The following TTN variants were observed in gnomAD, a reference collection of about 807,000 sequenced individuals.
The protein encoded by TTN is titin.
In TTN, 1,525 loss-of-function variants were observed where a neutral mutation model predicts 3,223.0. The observed-to-expected ratio is 0.47, with a 90% confidence interval of 0.45 to 0.49. The LOEUF (loss-of-function observed/expected upper bound fraction) is 0.49, where lower values mean the gene tolerates loss of function less well. Ranked by LOEUF, TTN falls within the 20% of genes least tolerant of loss-of-function variation. The pLI is 0.00. For missense variants in TTN, 40,786 were observed against 43,424.0 expected (o/e 0.94, Z 5.40); for synonymous variants, 14,094 against 15,161.0 (o/e 0.93, Z 5.17).
At chr2:178,635,025 A>C (rs2060260568) in intron 228 of TTN, 140 bp downstream of exon 228, 2 of 1,399,596 alleles carry the variant, frequency 1.4e-6, no homozygotes, top group Admixed American at 5.2e-5. Flanking sequence ...TGATACGTAA[A>C]ATTTCTTTCC....
chr2:178,757,256 C>T (rs890181807), intron 45 of TTN, among the ~76,000 whole-genome samples: 7 of 4,932 alleles, frequency 1.4e-3, no homozygotes, highest in African/African-American at 4.0e-3. Context: ...TTTAATGATG[C>T]AATGATACAA....
At position 178,557,727 on chromosome 2, in the gene TTN, T is replaced by C; in HGVS notation, c.87627A>G (p.Gln29209=). The change falls in exon 328 of 363, where the codon CAA becomes CAG. Residue 29209 remains glutamine (Q), a synonymous_variant. Coordinates refer to ENST00000589042, the MANE Select transcript of TTN (RefSeq NM_001267550.2). Reference sequence around the variant, plus strand: ...AGCGGTTTTCTGCCTTGATGCGGAATTGGTATTCTTCTCCTGTGGTCAGTT... The same window carrying C: ...AGCGGTTTTCTGCCTTGATGCGGAACTGGTATTCTTCTCCTGTGGTCAGTT... ...VMKLTTGEEY[Q]FRIKAENRFG... is the part of the protein sequence containing the mutation. 1 of 1,613,950 alleles carries C rather than the reference T, an allele frequency of 6.2e-7. No individual in the cohort carries two copies. Among genetic ancestry groups the C allele is most frequent in the Non-Finnish European group, 8.5e-7 (1 of 1,179,858 alleles).
chr2:178,780,443 G>C (rs2092664421), intron 21 of TTN, among the ~76,000 whole-genome samples: 1 of 152,142 alleles, frequency 6.6e-6, no homozygotes, highest in South Asian at 2.1e-4. Context: ...AGTCAGTTTT[G>C]GGGGGATCTA....
At position 178,612,390 on chromosome 2, in the gene TTN, A is replaced by C. The variant is rs1314552701; in HGVS notation, c.50135T>G (p.Val16712Gly). 6 of 1,612,488 alleles carry C rather than the reference A, an allele frequency of 3.7e-6. No homozygotes were observed. The South Asian group carries it at 6.6e-5, about 18-fold the overall frequency. Residue 16712 changes from valine (V) to glycine (G), a missense_variant, in exon 266 of 363, where the codon GTC (valine) becomes GGC (glycine). Val to Gly is a moderately radical substitution (Grantham distance 109). Transcript: ENST00000589042. ...TAAAGAGCCCTCAGTCAGTGGGGTGACTGTGCACTTGGTGTCCTTGACAGT... is the reference window on the plus strand; with the variant it reads ...TAAAGAGCCCTCAGTCAGTGGGGTGCCTGTGCACTTGGTGTCCTTGACAGT... ...DTTVKDTKCT[V>G]TPLTEGSLYV...
In TTN at chr2:178,724,815, G is replaced by A. The variant is rs558411297; in HGVS notation, c.20837-277C>T. 29 of 288,894 alleles carry A rather than the reference G, an allele frequency of 1.0e-4. No individual in the cohort carries two copies. The South Asian group carries it at 1.7e-3, about 17-fold the overall frequency. 17.9% of individuals were successfully genotyped at this position (288,894 alleles called of 1,614,324 possible). A position where few individuals can be genotyped will look rare whatever the true frequency, so the allele number is the denominator to read the frequency against. On this transcript the variant is annotated intron_variant, in intron 71 of 362. Coordinates refer to ENST00000589042, the MANE Select transcript of TTN (RefSeq NM_001267550.2). ...AATTATTCTTAAGAAATATATGTTC[G>A]TGCATGACTCAACTTCAAAACAATT...
Position 178,693,628 on chromosome 2 carries a change from C to T in TTN, c.31575G>A (p.Arg10525=), listed in dbSNP as rs188251302. The change falls in exon 119 of 363, where the codon AGG becomes AGA. Residue 10525 remains arginine, a synonymous_variant. Coordinates refer to ENST00000589042, the MANE Select transcript of TTN (RefSeq NM_001267550.2). ...EEKIHVAISK[R]VEPPPKVPEL... ...TAATACCTTTAGGTGGTGGTTCAACCCTTTTGGAAATGGCAACGTGAATTT... is the reference window on the plus strand; with the variant it reads ...TAATACCTTTAGGTGGTGGTTCAACTCTTTTGGAAATGGCAACGTGAATTT... 3 of 1,597,954 alleles carry T rather than the reference C, an allele frequency of 1.9e-6. No individual in the cohort carries two copies. Among genetic ancestry groups the T allele is most frequent in the South Asian group, 1.1e-5 (1 of 88,500 alleles).
In TTN at chr2:178,564,367, A is replaced by G. The variant is rs1704872015; in HGVS notation, c.81765T>C (p.Ser27255=). The stretch of plus-strand genomic sequence containing the variant: ...TGGCACCACTACTATCAGATGGTTC[A>G]CTAAAGTTTCCAGCTGCATTTCTTG... The part of the protein sequence containing the change: ...VIARNAAGNF[S]EPSDSSGAIT... The change falls in exon 326 of 363, where the codon AGT becomes AGC. Residue 27255 remains serine, a synonymous_variant. Coordinates refer to ENST00000589042, the MANE Select transcript of TTN (RefSeq NM_001267550.2). 2 of 1,613,696 alleles carry G rather than the reference A, an allele frequency of 1.2e-6. No individual in the cohort carries two copies. Among genetic ancestry groups the G allele is most frequent in the Non-Finnish European group, 1.7e-6 (2 of 1,179,754 alleles).
chr2:178,779,125 A>G lies in TTN; in HGVS notation c.3964-7T>C. 6.2e-7 allele frequency: 1 copy of G among 1,613,724 alleles called. No homozygotes were observed. On this transcript the variant is annotated splice_polypyrimidine_tract_variant and splice_region_variant and intron_variant, in intron 23 of 362. Coordinates refer to ENST00000589042, the MANE Select transcript of TTN (RefSeq NM_001267550.2). ...CATCTTTGTACCAAGCAATCTGCAA[A>G]GAATACCATGCATGTATGAATAAAA... is the stretch of plus-strand genomic sequence containing the variant.
chr2:178,711,330 T>C lies in TTN; in HGVS notation c.27906A>G (p.Ser9302=), dbSNP rs2154295353. 3.1e-6 allele frequency: 5 copies of C among 1,606,740 alleles called. No individual in the cohort carries two copies. The highest frequency in any genetic ancestry group is 4.3e-6 in the Non-Finnish European group (5 of 1,175,566). Reference sequence around the variant, plus strand: ...GAACATCTCTCAATTGTCGAGAAAATGATGGTGGAAGTTTTTGCTCTGTAG... The same window carrying C: ...GAACATCTCTCAATTGTCGAGAAAACGATGGTGGAAGTTTTTGCTCTGTAG... ...LTVQEQKLPP[S]FSRQLRDVQE... is the part of the protein sequence containing the mutation. Residue 9302 remains serine, a synonymous_variant, in exon 97 of 363, where the codon TCA becomes TCG. Transcript: ENST00000589042.
At chr2:178,708,682 T>C (rs2076222793) in intron 99 of TTN, among the ~76,000 whole-genome samples, 1 of 152,192 alleles carries the variant, frequency 6.6e-6, no homozygotes. Context: ...ATAAAATGTG[T>C]TTTAAAACTA....
Position 178,579,013 on chromosome 2 carries a change from C to T in TTN, c.68017G>A (p.Gly22673Ser), listed in dbSNP as rs371738759. 6.2e-7 allele frequency: 1 copy of T among 1,613,094 alleles called. No homozygotes were observed. Among genetic ancestry groups the T allele is most frequent in the African/African-American group, 1.3e-5 (1 of 74,860 alleles). Residue 22673 changes from glycine to serine, a missense_variant, in exon 320 of 363, where the codon GGT (glycine) becomes AGT (serine). Coordinates refer to ENST00000589042, the MANE Select transcript of TTN (RefSeq NM_001267550.2). ...AGGATATAGTTGGTGATTTCAGAAC[C>T]TCCATCATCCTTTGGAGGAGCCCAC... ...LKWAPPKDDGGSEITNYILEK... is the reference protein window; with the variant it reads ...LKWAPPKDDGSSEITNYILEK...
rs183493501 is a variant in TTN at position 178,740,373 on chromosome 2, T to C, written c.12860A>G (p.Tyr4287Cys). ...SPDVMISQVN[Y>C]EPLVPSEHSC... The stretch of plus-strand genomic sequence containing the variant: ...GTGTTCTGAAGGGACTAGGGGCTCA[T>C]AGTTTACCTGAGAGATCATGACATC... Residue 4287 changes from tyrosine (Y) to cysteine (C), a missense_variant, in exon 48 of 363, where the codon TAT becomes TGT. Physicochemically the swap from Tyr to Cys is radical, Grantham distance 194. Transcript: ENST00000589042. 7.3e-5 allele frequency: 117 copies of C among 1,613,594 alleles called. No homozygotes were observed. The East Asian group carries it at 2.4e-3, about 34-fold the overall frequency.
In TTN at chr2:178,601,022, T is replaced by C. The variant is rs781398210; in HGVS notation, c.55882A>G (p.Lys18628Glu). ...CLAWDPTGTKKEAWRQCNKRD... is the reference protein window; with the variant it reads ...CLAWDPTGTKEEAWRQCNKRD... ...TTATTGCACTGCCTCCAGGCTTCTTTCTTTGTCCCAGTAGGGTCCCATGCA... is the reference window on the plus strand; with the variant it reads ...TTATTGCACTGCCTCCAGGCTTCTTCCTTTGTCCCAGTAGGGTCCCATGCA... Residue 18628 changes from lysine to glutamate, a missense_variant, in exon 288 of 363, where the codon AAA becomes GAA. Coordinates refer to ENST00000589042, the MANE Select transcript of TTN (RefSeq NM_001267550.2). The C allele has an allele frequency of 2.2e-5, 36 of 1,613,058 alleles. No homozygotes were observed. Among genetic ancestry groups the C allele is most frequent in the Non-Finnish European group, 3.0e-5 (35 of 1,179,350 alleles).
chr2:178,533,241 G>A lies in TTN; in HGVS notation c.103374C>T (p.Tyr34458=). The change falls in exon 358 of 363, where the codon TAC becomes TAT. Residue 34458 remains tyrosine (Y), a synonymous_variant. Transcript: ENST00000589042. ...QAHLQVERLR[Y]KKQEFKSKEE... Reference sequence around the variant, plus strand: ...CCTTACTCTTGAATTCCTGTTTCTTGTACCTCAGGCGTTCCACTTGTAGGT... The same window carrying A: ...CCTTACTCTTGAATTCCTGTTTCTTATACCTCAGGCGTTCCACTTGTAGGT... The A allele has an allele frequency of 6.2e-7, 1 of 1,613,884 alleles. No homozygotes were observed. The highest frequency in any genetic ancestry group is 8.5e-7 in the Non-Finnish European group (1 of 1,179,856).
At chr2:178,713,394 A>G in intron 92 of TTN, 22 bp from the exon 93 acceptor site, 13 of 1,469,646 alleles carry the variant, frequency 8.8e-6, no homozygotes, top group South Asian at 1.5e-5. Context: ...AAAACAAAAC[A>G]AAACAAAACA....
At position 178,535,845 on chromosome 2, in the gene TTN, T is replaced by G; in HGVS notation, c.100770A>C (p.Pro33590=). ...GAGTTTTAGGTAAGTGTATCTTAGC[T>G]GGAACTGTATCAGAAAAAAAAAAAA... ...SGTASLEVEV[P]AKIHLPKTLE... The change falls in exon 358 of 363, where the codon CCA becomes CCC. Residue 33590 remains proline (P), a synonymous_variant. Coordinates refer to ENST00000589042, the MANE Select transcript of TTN (RefSeq NM_001267550.2). 5 of 1,546,036 alleles carry G rather than the reference T, an allele frequency of 3.2e-6. No homozygotes were observed. Among genetic ancestry groups the G allele is most frequent in the Non-Finnish European group, 4.3e-6 (5 of 1,152,932 alleles).
chr2:178,551,754 T>G lies in TTN; in HGVS notation c.91146A>C (p.Arg30382Ser), dbSNP rs771142882. ...CTACCAGTCCAGTGGCTCTATATTCTCTTCCAGAGATTGGTGATGTATTAA... is the reference window on the plus strand; with the variant it reads ...CTACCAGTCCAGTGGCTCTATATTCGCTTCCAGAGATTGGTGATGTATTAA... ...QKVNTSPISG[R>S]EYRATGLVEG... The change falls in exon 335 of 363, where the codon AGA (arginine) becomes AGC (serine). Residue 30382 changes from arginine to serine, a missense_variant. By Grantham distance (110) the Arg-to-Ser change is moderately radical (BLOSUM62 -1). Coordinates refer to ENST00000589042, the MANE Select transcript of TTN (RefSeq NM_001267550.2). 1 of 1,613,888 alleles carries G rather than the reference T, an allele frequency of 6.2e-7. No individual in the cohort carries two copies. Among genetic ancestry groups the G allele is most frequent in the African/African-American group, 1.3e-5 (1 of 75,052 alleles).
chr2:178,739,197 G>T lies in TTN; in HGVS notation c.14036C>A (p.Ala4679Asp). The T allele has an allele frequency of 8.5e-6, 13 of 1,534,776 alleles. No individual in the cohort carries two copies. The highest frequency in any genetic ancestry group is 1.1e-5 in the Non-Finnish European group (13 of 1,140,464). Residue 4679 changes from alanine to aspartate, a missense_variant, in exon 48 of 363, where the codon GCC (alanine) becomes GAC (aspartate). By Grantham distance (126) the Ala-to-Asp change is moderately radical (BLOSUM62 -2). Transcript: ENST00000589042. ...TGCTGTTTTTCCGCTGTCATTCAAG[G>T]CCTCACAGACATACTCTCCTTGATG... Reference protein sequence around the residue: ...EDHQGEYVCEALNDSGKTATS... With the variant: ...EDHQGEYVCEDLNDSGKTATS...
In TTN at chr2:178,571,245, T is replaced by C. The variant is rs769512290; in HGVS notation, c.74887A>G (p.Ile24963Val). The C allele has an allele frequency of 3.1e-6, 5 of 1,613,502 alleles. No individual in the cohort carries two copies. In the Admixed American group the frequency reaches 8.3e-5, roughly 27 times the overall value. Residue 24963 changes from isoleucine to valine, a missense_variant, in exon 326 of 363, where the codon ATT becomes GTT. By Grantham distance (29) the Ile-to-Val change is conservative. Transcript: ENST00000589042. ...ILWVKLNKTP[I>V]PQTKFKTTGL... ...GTTGTCTTAAACTTGGTTTGAGGAA[T>C]AGGTGTTTTATTCAACTTAACCCAG...
Sources: allele counts gnomAD v4.1 joint callset (sites outside exome capture counted in the v4.1 genomes callset), GRCh38; gene constraint gnomAD v4.1.1; transcripts MANE v1.5; gene names NCBI Gene and HGNC (gene_info 2026-07-23, HGNC 2026-07-21).